The following CLEC19A variants were observed in gnomAD, a reference collection of about 807,000 sequenced individuals.
The protein encoded by CLEC19A is C-type lectin domain containing 19A.
A neutral mutation model predicts 26.1 loss-of-function variants in CLEC19A; 21 were observed. The ratio of observed to expected loss-of-function variants is 0.80; its 90% CI spans 0.57 to 1.16. The LOEUF (loss-of-function observed/expected upper bound fraction) is 1.16. Ranked by LOEUF, CLEC19A falls within the 50% of genes most tolerant of loss-of-function variation. CLEC19A has a pLI of 0.00. For synonymous variants in CLEC19A, 89 were observed against 88.6 expected, an observed-to-expected ratio of 1.00 and a Z score of -0.03; for missense variants, 224 against 227.6, an observed-to-expected ratio of 0.98 and a Z score of 0.10.
At chr16:19,306,222 C>T (rs1897950927) in intron 3 of CLEC19A, among the ~76,000 whole-genome samples, 3 of 151,340 alleles carry the variant, frequency 2.0e-5, no homozygotes, top group Admixed American at 6.6e-5. Flanking sequence ...CACAGCTCAC[C>T]GCAACCTTGA....
intron 1 of CLEC19A, among the ~76,000 whole-genome samples, chr16:19,296,074 T>A (rs1433831424): frequency 1.3e-5 from 2 of 152,164 alleles, no homozygotes; most frequent in Admixed American, 6.5e-5. Flanking sequence ...TAGAAGAGGA[T>A]TAAGAAAGCC....
At chr16:19,303,133 C>A (rs142607307) in intron 2 of CLEC19A, among the ~76,000 whole-genome samples, 1 of 152,122 alleles carries the variant, frequency 6.6e-6, no homozygotes, top group African/African-American at 2.4e-5. Context: ...GTTGTGAGAA[C>A]GAAATGAGTT....
chr16:19,302,199 C>T (rs1299614687), intron 2 of CLEC19A, among the ~76,000 whole-genome samples: 1 of 152,084 alleles, frequency 6.6e-6, no homozygotes, highest in South Asian at 2.1e-4. Flanking sequence ...AAGACAAATT[C>T]TGAGTGCCAG....
intron 1 of CLEC19A, among the ~76,000 whole-genome samples, chr16:19,290,881 C>T (rs375288549): frequency 4.6e-5 from 7 of 152,064 alleles, no homozygotes; most frequent in Non-Finnish European, 7.3e-5. Flanking sequence ...CTCTGTTGCC[C>T]AGGCTGGAGT....
chr16:19,301,766 T>TTTTTTTTTTA (rs1291095115), intron 2 of CLEC19A, among the ~76,000 whole-genome samples: 26 of 116,158 alleles, frequency 2.2e-4, no homozygotes, highest in South Asian at 2.9e-4. Context: ...TTTTTTTTTG[T>TTTTTTTTTTA]ATTTTTAGCA....
In CLEC19A at chr16:19,301,402, A is replaced by T. The variant is rs143206439; in HGVS notation, c.254+2564A>T. Reference sequence around the variant, plus strand: ...GGGCAGCAGATGTTCAAAATGAAGAAAACTGTGGGGGACAGTATGAGCATT... The same window carrying T: ...GGGCAGCAGATGTTCAAAATGAAGATAACTGTGGGGGACAGTATGAGCATT... On this transcript the variant is annotated intron_variant, in intron 2 of 4. Coordinates refer to ENST00000636231, the MANE Select transcript of CLEC19A (RefSeq NM_001256720.2). Among the ~76,000 whole-genome samples, 355 of 152,318 alleles carry T rather than the reference A, an allele frequency of 2.3e-3. 1 individual carries two copies. Among genetic ancestry groups the T allele is most frequent in the Non-Finnish European group, 4.3e-3 (293 of 68,030 alleles).
intron 2 of CLEC19A, among the ~76,000 whole-genome samples, chr16:19,303,420 G>C (rs1239362943): frequency 6.6e-6 from 1 of 152,038 alleles, no homozygotes; most frequent in Non-Finnish European, 1.5e-5. Context: ...ACTCTCACCA[G>C]GGTCCTCCAC....
intron 4 of CLEC19A, 54 bp downstream of exon 4, chr16:19,307,731 G>A (rs1339809996): frequency 6.5e-7 from 1 of 1,542,226 alleles, no homozygotes; most frequent in African/African-American, 1.4e-5. Context: ...GGTGTCACAG[G>A]TGGGGAGAGC....
chr16:19,308,989 T>G lies in CLEC19A; in HGVS notation c.482-15T>G. On this transcript the variant is annotated splice_polypyrimidine_tract_variant and intron_variant, in intron 4 of 4. Transcript: ENST00000636231. Reference sequence around the variant, plus strand: ...ATGGATTTTCACCCAGATTCTCTGCTTCTTTCCATCACAGCTCTGAGGTCA... The same window carrying G: ...ATGGATTTTCACCCAGATTCTCTGCGTCTTTCCATCACAGCTCTGAGGTCA... 1 of 1,546,964 alleles carries G rather than the reference T, an allele frequency of 6.5e-7. No individual in the cohort carries two copies. Among genetic ancestry groups the G allele is most frequent in the Non-Finnish European group, 8.7e-7 (1 of 1,145,492 alleles).
chr16:19,290,609 C>T (rs772509618), intron 1 of CLEC19A, among the ~76,000 whole-genome samples: 3 of 152,144 alleles, frequency 2.0e-5, no homozygotes, highest in Non-Finnish European at 2.9e-5. Context: ...TGTGGCAACA[C>T]CCTCTTTTCC....
chr16:19,308,811 A>G (rs947027465), intron 4 of CLEC19A, among the ~76,000 whole-genome samples, 193 bp from the exon 5 acceptor site: 4 of 152,206 alleles, frequency 2.6e-5, no homozygotes, highest in Non-Finnish European at 5.9e-5. Context: ...CCTCCCATCC[A>G]AGGTGACAAG....
intron 2 of CLEC19A, 49 bp downstream of exon 2, chr16:19,298,887 GA>G: frequency 2.0e-6 from 3 of 1,482,534 alleles, no homozygotes; most frequent in Non-Finnish European, 2.7e-6. Flanking sequence ...ACCCCCTTGG[GA>G]AATGGGGTGG....
At chr16:19,286,048 C>T (rs772090000) in intron 1 of CLEC19A, 109 bp downstream of exon 1, 3 of 1,021,066 alleles carry the variant, frequency 2.9e-6, no homozygotes, top group Non-Finnish European at 1.5e-6. Flanking sequence ...GGTGGCCTGA[C>T]CCGAGTCTCC....
intron 1 of CLEC19A, among the ~76,000 whole-genome samples, chr16:19,293,333 G>A (rs1047441966): frequency 6.6e-6 from 1 of 152,106 alleles, no homozygotes; most frequent in African/African-American, 2.4e-5. Flanking sequence ...AACGTCTGGA[G>A]TTTAGGTAAT....
chr16:19,294,143 A>C (rs1375212951), intron 1 of CLEC19A, among the ~76,000 whole-genome samples: 1 of 144,308 alleles, frequency 6.9e-6, no homozygotes, highest in Non-Finnish European at 1.5e-5. Flanking sequence ...TTCCAAAATA[A>C]AAAGTTTATT....
chr16:19,302,437 A>G (rs1897853822), intron 2 of CLEC19A, among the ~76,000 whole-genome samples: 1 of 152,198 alleles, frequency 6.6e-6, no homozygotes, highest in South Asian at 2.1e-4. Context: ...GGGTACCTCA[A>G]CATAGCCCTG....
At chr16:19,302,669 G>C (rs551575119) in intron 2 of CLEC19A, among the ~76,000 whole-genome samples, 2 of 152,318 alleles carry the variant, frequency 1.3e-5, no homozygotes, top group Admixed American at 1.3e-4. Flanking sequence ...CTGGGCCTGT[G>C]AATGATTTGA....
intron 1 of CLEC19A, among the ~76,000 whole-genome samples, chr16:19,286,496 C>T (rs1412886641): frequency 6.6e-6 from 1 of 152,190 alleles, no homozygotes; most frequent in African/African-American, 2.4e-5. Flanking sequence ...TGTGGGGCAT[C>T]CCCAGGGATG....
intron 2 of CLEC19A, among the ~76,000 whole-genome samples, chr16:19,302,794 T>C (rs1342635090): frequency 6.6e-6 from 1 of 152,194 alleles, no homozygotes; most frequent in East Asian, 1.9e-4. Flanking sequence ...AGCAGTTGTT[T>C]TGGCTTTCCT....
Sources: allele counts gnomAD v4.1 joint callset (sites outside exome capture counted in the v4.1 genomes callset), GRCh38; gene constraint gnomAD v4.1.1; transcripts MANE v1.5; gene names NCBI Gene and HGNC (gene_info 2026-07-23, HGNC 2026-07-21).